Variants in NEDD1 observed in about 807,000 individuals in gnomAD.
NEDD1 encodes the protein NEDD1 gamma-tubulin ring complex targeting factor, also known as protein NEDD1.
A neutral mutation model predicts 74.0 loss-of-function variants in NEDD1; 33 were observed. That is an observed-to-expected ratio of 0.45 (90% CI 0.34 to 0.60). The LOEUF is 0.60. Ranked by LOEUF, NEDD1 falls within the 20% of genes least tolerant of loss-of-function variation. NEDD1 has a pLI of 0.01. For synonymous variants in NEDD1, 250 were observed against 264.4 expected (o/e 0.95, Z 0.53); for missense variants, 746 against 776.5 (o/e 0.96, Z 0.47).
intron 4 of NEDD1, among the ~76,000 whole-genome samples, chr12:96,913,407 TC>T (rs1327269446): frequency 1.3e-5 from 2 of 151,838 alleles, no homozygotes; most frequent in East Asian, 3.9e-4. Context: ...GGAGTCTCGC[TC>T]TGTTGCCCAG....
chr12:96,941,548 C>T (rs900343129), intron 10 of NEDD1, among the ~76,000 whole-genome samples: 2 of 151,968 alleles, frequency 1.3e-5, no homozygotes, highest in Admixed American at 1.3e-4. Context: ...AACAGAGGGA[C>T]GGATGTAGGT....
chr12:96,927,086 A>G (rs1399593360), intron 6 of NEDD1, among the ~76,000 whole-genome samples: 1 of 152,186 alleles, frequency 6.6e-6, no homozygotes, highest in Non-Finnish European at 1.5e-5. Context: ...AATTGAATTC[A>G]GTCTGTTACT....
chr12:96,943,620 C>T lies in NEDD1; in HGVS notation c.1355C>T (p.Ser452Leu). 6.2e-7 allele frequency: 1 copy of T among 1,612,760 alleles called. No homozygotes were observed. Among genetic ancestry groups the T allele is most frequent in the East Asian group, 2.2e-5 (1 of 44,834 alleles). Residue 452 changes from serine (S) to leucine (L), a missense_variant, in exon 12 of 16, where the codon TCA (serine) becomes TTA (leucine). Transcript: ENST00000266742. ...VFPPRKNPVTSSTSVLHSSPL... is the reference protein window; with the variant it reads ...VFPPRKNPVTLSTSVLHSSPL... ...CCTCCAAGAAAAAATCCAGTAACTT[C>T]AAGTACTTCAGTATTGCATTCTAGT... is the stretch of plus-strand genomic sequence containing the variant.
intron 6 of NEDD1, 27 bp downstream of exon 6, chr12:96,920,152 A>G (rs766664908): frequency 6.9e-7 from 1 of 1,442,046 alleles, no homozygotes; most frequent in South Asian, 1.4e-5. Context: ...TTCAGAGTAA[A>G]ATTGGTAAGA....
Position 96,936,728 on chromosome 12 carries a change from G to A in NEDD1, c.837G>A (p.Met279Ile). 6.2e-7 allele frequency: 1 copy of A among 1,612,360 alleles called. No individual in the cohort carries two copies. Among genetic ancestry groups the A allele is most frequent in the Non-Finnish European group, 8.5e-7 (1 of 1,178,486 alleles). The change falls in exon 8 of 16, where the codon ATG (methionine) becomes ATA (isoleucine). Residue 279 changes from methionine to isoleucine, a missense_variant. Coordinates refer to ENST00000266742, the MANE Select transcript of NEDD1 (RefSeq NM_152905.4). ...RGKIYQYDLR[M>I]LKSPVKTISA... ...AAATATATCAATATGATTTAAGAAT[G>A]TTGAAATCACCAGTTAAGACCATCA...
intron 7 of NEDD1, among the ~76,000 whole-genome samples, chr12:96,936,299 AG>A (rs1263551395): frequency 1.3e-5 from 2 of 152,244 alleles, no homozygotes; most frequent in African/African-American, 4.8e-5. Context: ...CGTAATAGAC[AG>A]TTCTGCTACA....
chr12:96,936,585 C>G (rs370594363), intron 7 of NEDD1, 26 bp from the exon 8 acceptor site: 112 of 1,526,590 alleles, frequency 7.3e-5, no homozygotes, highest in Admixed American at 1.2e-4. Flanking sequence ...AACATTTCTA[C>G]ACATACTTTG....
At chr12:96,927,715 T>C (rs1350356389) in intron 6 of NEDD1, among the ~76,000 whole-genome samples, 5 of 152,210 alleles carry the variant, frequency 3.3e-5, no homozygotes, top group Admixed American at 3.3e-4. Flanking sequence ...ATTAATAGTC[T>C]GCTTGAGTAT....
intron 6 of NEDD1, among the ~76,000 whole-genome samples, chr12:96,921,273 C>A (rs1032586000): frequency 2.0e-5 from 3 of 152,098 alleles, no homozygotes; most frequent in African/African-American, 7.2e-5. Flanking sequence ...CCACTGTCTC[C>A]CGGGTTCAAG....
In NEDD1 at chr12:96,944,638, G is replaced by A. The variant is rs1878011364; in HGVS notation, c.1498-1G>A. On this transcript the variant is annotated splice_acceptor_variant, in intron 12 of 15. Coordinates refer to ENST00000266742, the MANE Select transcript of NEDD1 (RefSeq NM_152905.4). LOFTEE classifies it high-confidence loss of function. ...AGTCATTATTTATTTTAAATATAAAGTTAGCAAAGTTGGTCACATCTGGTG... is the reference window on the plus strand; with the variant it reads ...AGTCATTATTTATTTTAAATATAAAATTAGCAAAGTTGGTCACATCTGGTG... 1.3e-6 allele frequency: 2 copies of A among 1,562,426 alleles called. No individual in the cohort carries two copies. The highest frequency in any genetic ancestry group is 8.7e-7 in the Non-Finnish European group (1 of 1,144,668).
chr12:96,919,723 T>C (rs1874855290), intron 5 of NEDD1, among the ~76,000 whole-genome samples: 1 of 152,210 alleles, frequency 6.6e-6, no homozygotes, highest in African/African-American at 2.4e-5. Context: ...CAACTTGCAA[T>C]ACCTGTTATT....
chr12:96,937,462 A>G (rs1877248274), intron 9 of NEDD1, 69 bp downstream of exon 9: 1 of 811,564 alleles, frequency 1.2e-6, no homozygotes. Context: ...TTTGGCTTGC[A>G]TATAATTAGC....
chr12:96,936,748 C>G lies in NEDD1; in HGVS notation c.857C>G (p.Thr286Ser). The change falls in exon 8 of 16, where the codon ACC becomes AGC. Residue 286 changes from threonine to serine, a missense_variant. By Grantham distance (58) the Thr-to-Ser change is moderately conservative. Transcript: ENST00000266742. ...AGAATGTTGAAATCACCAGTTAAGA[C>G]CATCAGTGCTCACAAGACATCTGTG... ...DLRMLKSPVKTISAHKTSVQC... is the reference protein window; with the variant it reads ...DLRMLKSPVKSISAHKTSVQC... 2 of 1,612,720 alleles carry G rather than the reference C, an allele frequency of 1.2e-6. No individual in the cohort carries two copies. Among genetic ancestry groups the G allele is most frequent in the Non-Finnish European group, 1.7e-6 (2 of 1,178,816 alleles).
chr12:96,943,947 A>C (rs372334792), intron 12 of NEDD1, among the ~76,000 whole-genome samples, 185 bp downstream of exon 12: 1 of 152,078 alleles, frequency 6.6e-6, no homozygotes, highest in Non-Finnish European at 1.5e-5. Context: ...GTTACAGCAG[A>C]TGGAAAGTTG....
chr12:96,937,239 G>A lies in NEDD1; in HGVS notation c.963G>A (p.Val321=), dbSNP rs779164360. Reference sequence around the variant, plus strand: ...GCTGTTCAAATAAGCCCACAACAGTGAACAAACGAAGTGTTAATGTGAATG... The same window carrying A: ...GCTGTTCAAATAAGCCCACAACAGTAAACAAACGAAGTGTTAATGTGAATG... The part of the protein sequence containing the change: ...NKGCSNKPTT[V]NKRSVNVNAA... Residue 321 remains valine (V), a synonymous_variant, in exon 9 of 16, where the codon GTG becomes GTA. Transcript: ENST00000266742. 8.7e-6 allele frequency: 14 copies of A among 1,611,464 alleles called. No homozygotes were observed. The highest frequency in any genetic ancestry group is 1.2e-5 in the Non-Finnish European group (14 of 1,178,588).
In NEDD1 at chr12:96,930,197, A is replaced by T. The variant is rs1031776786; in HGVS notation, c.490-4779A>T. On this transcript the variant is annotated intron_variant, in intron 6 of 15. Transcript: ENST00000266742. ...CACACACACACACACACACACACACACACACACACACACACTCTCTCTCTC... is the reference window on the plus strand; with the variant it reads ...CACACACACACACACACACACACACTCACACACACACACACTCTCTCTCTC... 7.1e-3 allele frequency among the ~76,000 whole-genome samples: 525 copies of T among 73,568 alleles called. 8 individuals are homozygous for T. Among genetic ancestry groups the T allele is most frequent in the African/African-American group, 0.022 (394 of 17,910 alleles). 48.3% of individuals were successfully genotyped at this position (73,568 alleles called of 152,430 possible). A position where few individuals can be genotyped will look rare whatever the true frequency, so the allele number is the denominator to read the frequency against.
chr12:96,926,542 C>T (rs967599466), intron 6 of NEDD1, among the ~76,000 whole-genome samples: 9 of 151,444 alleles, frequency 5.9e-5, no homozygotes, highest in African/African-American at 2.2e-4. Context: ...ATAATTTAAA[C>T]CTTTGGAATT....
In NEDD1 at chr12:96,920,113, T is replaced by C; in HGVS notation, c.477T>C (p.His159=). The change falls in exon 6 of 16, where the codon CAT becomes CAC. Residue 159 remains histidine, a synonymous_variant. Transcript: ENST00000266742. ...ATTTATCTAGTACTCCTTTTGGCCA[T>C]GGTAGTAACCAGGTACAGTATGAGT... ...TTNLSSTPFG[H]GSNQSVRHLK... 6.3e-7 allele frequency: 1 copy of C among 1,589,560 alleles called. No individual in the cohort carries two copies. The highest frequency in any genetic ancestry group is 8.6e-7 in the Non-Finnish European group (1 of 1,162,370).
At chr12:96,908,949 G>A (rs537622643) in intron 2 of NEDD1, among the ~76,000 whole-genome samples, 2 of 152,212 alleles carry the variant, frequency 1.3e-5, no homozygotes, top group Admixed American at 6.5e-5. Context: ...GGCTGAGGCG[G>A]GCAGATCACC....
Sources: gnomAD v4.1 joint callset for allele counts (sites outside exome capture counted in the v4.1 genomes callset) on GRCh38, gnomAD v4.1.1 for gene constraint, MANE v1.5 for transcripts, NCBI Gene and HGNC (gene_info 2026-07-23, HGNC 2026-07-21) for gene names.